Variants in SPNS3 observed in about 807,000 individuals in gnomAD.
SPNS3 encodes SPNS lysolipid transporter 3, sphingosine-1-phosphate (putative), also known as protein spinster homolog 3.
A neutral mutation model predicts 54.4 loss-of-function variants in SPNS3; 51 were observed. The observed-to-expected ratio is 0.94, with a 90% CI of 0.75 to 1.18. The LOEUF is 1.18. Among genes scored for constraint, SPNS3 ranks in the 50% most tolerant of loss-of-function variants. SPNS3 has a pLI of 0.00. For synonymous variants in SPNS3, 309 were observed against 294.7 expected (o/e 1.05, Z -0.50); for missense variants, 669 against 677.4 (o/e 0.99, Z 0.14).
chr17:4,451,303 G>T (rs1179068346), intron 7 of SPNS3, among the ~76,000 whole-genome samples: 1 of 150,674 alleles, frequency 6.6e-6, no homozygotes, highest in Non-Finnish European at 1.5e-5. Flanking sequence ...CTAGGCTGGA[G>T]TGCAGTAGCA....
chr17:4,458,586 C>CTCCT (rs749391286), intron 8 of SPNS3, among the ~76,000 whole-genome samples: 29,445 of 66,534 alleles, frequency 0.44, 6,424 homozygotes, highest in Middle Eastern at 0.61. Context: ...TCTTCCTTCC[C>CTCCT]TCCTTTCTTT....
In SPNS3 at chr17:4,485,996, C is replaced by T. The variant is rs983522434; in HGVS notation, c.1180-232C>T. The T allele has an allele frequency of 1.3e-5, 6 of 458,188 alleles. No homozygotes were observed. The Admixed American group carries it at 2.5e-4, about 19-fold the overall frequency. The allele number at this position is 458,188 out of a possible 1,614,324, so 28.4% of individuals were successfully genotyped here. ...AAGAGCAAACTCTCAAGAGGGGTGG[C>T]CCTGATCAGGGGCCTTGGCACCCCC... On this transcript the variant is annotated intron_variant, in intron 9 of 11. Coordinates refer to ENST00000355530, the MANE Select transcript of SPNS3 (RefSeq NM_182538.5).
intron 3 of SPNS3, 43 bp downstream of exon 3, chr17:4,445,211 C>G: frequency 6.4e-7 from 1 of 1,563,850 alleles, no homozygotes; most frequent in Non-Finnish European, 8.7e-7. Flanking sequence ...GGCCCCTTCC[C>G]CACCTGCTTC....
chr17:4,486,381 G>C lies in SPNS3; in HGVS notation c.1279-31G>C. ...GAGGGTCTGGGGGCCAGGCTGGTGG[G>C]CCTGGCAGACTCATCCCTTCTCCTC... On this transcript the variant is annotated intron_variant, in intron 10 of 11. Transcript: ENST00000355530. This position sits in a 1 kb window ranked among gnomAD's most constrained non-coding sequence, Gnocchi z 5.5. The C allele has an allele frequency of 6.3e-7, 1 of 1,596,026 alleles. No homozygotes were observed. Among genetic ancestry groups the C allele is most frequent in the Non-Finnish European group, 8.5e-7 (1 of 1,170,024 alleles).
intron 8 of SPNS3, among the ~76,000 whole-genome samples, chr17:4,467,621 C>T (rs1181470495): frequency 6.6e-6 from 1 of 152,088 alleles, no homozygotes; most frequent in African/African-American, 2.4e-5. Context: ...AAGCACCAGG[C>T]CAGGAACTTG....
chr17:4,478,727 C>A (rs1002723982), intron 9 of SPNS3, 90 bp downstream of exon 9: 1 of 1,296,488 alleles, frequency 7.7e-7, no homozygotes, highest in Non-Finnish European at 1.1e-6. Flanking sequence ...CTGGCGGCGA[C>A]ATCAGAGACC....
At chr17:4,462,920 A>C (rs1228814967) in intron 8 of SPNS3, among the ~76,000 whole-genome samples, 1 of 139,266 alleles carries the variant, frequency 7.2e-6, no homozygotes, top group Non-Finnish European at 1.5e-5. Context: ...GGCAGGAACC[A>C]AAGTCCTTCC....
At chr17:4,450,862 C>T (rs1186847207) in intron 7 of SPNS3, among the ~76,000 whole-genome samples, 2 of 151,392 alleles carry the variant, frequency 1.3e-5, no homozygotes, top group African/African-American at 4.9e-5. Context: ...CCCGCCTCAG[C>T]CTCCCGAAGT....
intron 8 of SPNS3, among the ~76,000 whole-genome samples, chr17:4,475,996 G>A (rs933258999): frequency 2.0e-5 from 3 of 152,154 alleles, no homozygotes; most frequent in African/African-American, 4.8e-5. Flanking sequence ...CCCTGGCGTC[G>A]TACCGTTGGG....
intron 8 of SPNS3, among the ~76,000 whole-genome samples, chr17:4,457,536 C>T (rs897709302): frequency 6.6e-6 from 1 of 152,236 alleles, no homozygotes; most frequent in Non-Finnish European, 1.5e-5. Flanking sequence ...AGGGAGGGGA[C>T]CATCACTTCT....
chr17:4,469,729 A>G (rs556610607), intron 8 of SPNS3, among the ~76,000 whole-genome samples: 38 of 152,082 alleles, frequency 2.5e-4, no homozygotes, highest in African/African-American at 8.7e-4. Context: ...CACCAAGGGC[A>G]TGAGCATAGA....
At chr17:4,482,963 C>T (rs1972211885) in intron 9 of SPNS3, among the ~76,000 whole-genome samples, 2 of 152,202 alleles carry the variant, frequency 1.3e-5, no homozygotes, top group South Asian at 2.1e-4. Flanking sequence ...CAGCCCTGTC[C>T]TCTGGGGTCC....
chr17:4,443,622 T>G (rs932693330), intron 2 of SPNS3, among the ~76,000 whole-genome samples: 1 of 152,212 alleles, frequency 6.6e-6, no homozygotes, highest in Admixed American at 6.5e-5. Context: ...AATAGCACTG[T>G]TGATGAAAGG....
At chr17:4,481,355 C>G (rs764923106) in intron 9 of SPNS3, among the ~76,000 whole-genome samples, 3 of 151,944 alleles carry the variant, frequency 2.0e-5, no homozygotes, top group African/African-American at 7.3e-5. Context: ...AGGAAGGTCC[C>G]CTTTGCCGGC....
At chr17:4,465,827 C>G (rs1413635512) in intron 8 of SPNS3, among the ~76,000 whole-genome samples, 1 of 152,234 alleles carries the variant, frequency 6.6e-6, no homozygotes, top group Admixed American at 6.5e-5. Flanking sequence ...TTGGAAAATG[C>G]AATCTCCCAT....
chr17:4,474,374 G>T (rs1325459007), intron 8 of SPNS3, among the ~76,000 whole-genome samples: 3 of 152,176 alleles, frequency 2.0e-5, no homozygotes, highest in Non-Finnish European at 2.9e-5. Flanking sequence ...TGTCCTGACT[G>T]GCTCAGGCAA....
In SPNS3 at chr17:4,472,774, C is replaced by CATTTTTTTTT. The variant is rs1567572187; in HGVS notation, c.1114-5798_1114-5797insATTTTTTTTT. Among the ~76,000 whole-genome samples the CATTTTTTTTT allele has an allele frequency of 9.8e-5, 5 of 50,972 alleles. 1 individual carries two copies. Among genetic ancestry groups the CATTTTTTTTT allele is most frequent in the African/African-American group, 3.6e-4 (4 of 11,266 alleles). The allele number at this position is 50,972 out of a possible 152,430, so 33.4% of individuals were successfully genotyped here. On this transcript the variant is annotated intron_variant, in intron 8 of 11. Coordinates refer to ENST00000355530, the MANE Select transcript of SPNS3 (RefSeq NM_182538.5). Reference sequence around the variant, plus strand: ...ATTGTCTGCTCTTTTGCTTGGCAGCCTTTTTTTTTTTTTTTTTTTTTTTTT... The same window carrying CATTTTTTTTT: ...ATTGTCTGCTCTTTTGCTTGGCAGCCATTTTTTTTTTTTTTTTTTTTTTTTTTTTTTTTTT...
intron 3 of SPNS3, 42 bp downstream of exon 3, chr17:4,445,210 C>T (rs1970952701): frequency 1.3e-6 from 2 of 1,567,628 alleles, no homozygotes; most frequent in Non-Finnish European, 8.7e-7. Context: ...AGGCCCCTTC[C>T]CCACCTGCTT....
intron 1 of SPNS3, among the ~76,000 whole-genome samples, chr17:4,437,865 C>T (rs1487229153): frequency 1.3e-5 from 2 of 150,888 alleles, no homozygotes; most frequent in Admixed American, 6.6e-5. Flanking sequence ...CAGCTCACTG[C>T]AACCTCCGCC....
Sources: allele counts gnomAD v4.1 joint callset (sites outside exome capture counted in the v4.1 genomes callset), GRCh38; gene constraint gnomAD v4.1.1; non-coding constraint Gnocchi (gnomAD v3.1); transcripts MANE v1.5; gene names NCBI Gene and HGNC (gene_info 2026-07-23, HGNC 2026-07-21).